Variants in MYH11 observed in about 807,000 individuals in gnomAD.
MYH11 encodes myosin heavy chain 11, also known as myosin-11.
Under a neutral mutation model 246.6 loss-of-function variants are expected in MYH11, and 80 were observed. That is an observed-to-expected ratio of 0.32 (90% confidence interval 0.27 to 0.39). The LOEUF is 0.39. MYH11 is among the 10% of genes least tolerant of loss of function. The probability of loss-of-function intolerance (pLI) is 1.00; values close to 1 mark genes in which losing one functional copy is unlikely to be tolerated. For missense variants in MYH11, 2,158 were observed against 2,546.8 expected, an observed-to-expected ratio of 0.85 and a Z score of 3.29; for synonymous variants, 1,071 against 1,015.5, an observed-to-expected ratio of 1.05 and a Z score of -1.04.
intron 8 of MYH11, among the ~76,000 whole-genome samples, chr16:15,774,884 C>T (rs902848101): frequency 3.3e-5 from 5 of 152,182 alleles, no homozygotes; most frequent in African/African-American, 9.7e-5. Context: ...CACTTTGCCC[C>T]ACCCTGGAAA....
Position 15,703,323 on chromosome 16 carries a change from G to A in MYH11, c.*668C>T, listed in dbSNP as rs949586919. ...GGAGAGGGGGAAAGAATTCTCAAAG[G>A]CCTGACGTGAGAAGTTGGAAAGGTT... On this transcript the variant is annotated 3_prime_UTR_variant, in exon 41 of 41. Transcript: ENST00000300036. 7 of 230,906 alleles carry A rather than the reference G, an allele frequency of 3.0e-5. No homozygotes were observed. The highest frequency in any genetic ancestry group is 5.2e-5 in the Non-Finnish European group (6 of 116,034). 14.3% of individuals were successfully genotyped at this position (230,906 alleles called of 1,614,324 possible). A position where few individuals can be genotyped will look rare whatever the true frequency, so the allele number is the denominator to read the frequency against.
At chr16:15,850,150 C>T (rs548984038) in intron 1 of MYH11, among the ~76,000 whole-genome samples, 4 of 152,260 alleles carry the variant, frequency 2.6e-5, no homozygotes, top group Admixed American at 6.5e-5. Context: ...TTCGGGAGGC[C>T]GAGGCAGGCG....
At chr16:15,726,388 GAGAC>G (rs2040761444) in intron 28 of MYH11, 1 of 143,514 alleles carries the variant, frequency 7.0e-6, no homozygotes, top group Non-Finnish European at 1.5e-5. Context: ...TTTTTTTCCT[GAGAC>G]AGAGTTTTGC....
intron 6 of MYH11, chr16:15,779,535 G>C (rs1403787682): frequency 6.4e-6 from 1 of 156,294 alleles, no homozygotes; most frequent in Non-Finnish European, 1.4e-5. Flanking sequence ...AGGGCCCTAA[G>C]CAGAAAGAAG....
chr16:15,757,220 A>T (rs2041748118), intron 13 of MYH11, among the ~76,000 whole-genome samples: 1 of 148,836 alleles, frequency 6.7e-6, no homozygotes, highest in African/African-American at 2.5e-5. Context: ...GCAGTGGCGC[A>T]ATCTCGGCTT....
chr16:15,727,803 A>G (rs2040840318), intron 27 of MYH11, among the ~76,000 whole-genome samples: 1 of 151,762 alleles, frequency 6.6e-6, no homozygotes, highest in Non-Finnish European at 1.5e-5. Context: ...TGAGACCCCC[A>G]TCTCTACTAA....
intron 1 of MYH11, among the ~76,000 whole-genome samples, chr16:15,843,597 G>A (rs970150467): frequency 4.0e-5 from 6 of 151,794 alleles, no homozygotes; most frequent in African/African-American, 1.5e-4. Flanking sequence ...GGAGGCTGAG[G>A]CAGGAGAATG....
chr16:15,735,997 T>C (rs2151241899), intron 25 of MYH11, among the ~76,000 whole-genome samples: 1 of 152,336 alleles, frequency 6.6e-6, no homozygotes, highest in Non-Finnish European at 1.5e-5. Flanking sequence ...ATGCACAGCA[T>C]TTGGCCAGCC....
intron 40 of MYH11, among the ~76,000 whole-genome samples, chr16:15,705,401 T>C (rs946674465): frequency 1.3e-5 from 2 of 152,118 alleles, no homozygotes; most frequent in Admixed American, 6.6e-5. Context: ...GAAGGGCTGG[T>C]CACGTGAGGG....
In MYH11 at chr16:15,750,100, G is replaced by A. The variant is rs2041524803; in HGVS notation, c.2058+38C>T. ...GCTGTGACCGCTTGGGACAGCCCTG[G>A]CTTCTGGGAGCCCCAGGGTCTGGGC... is the stretch of plus-strand genomic sequence containing the variant. On this transcript the variant is annotated intron_variant, in intron 16 of 40. Transcript: ENST00000300036. This position sits in a 1 kb window ranked among gnomAD's most constrained non-coding sequence, Gnocchi z 4.3. The A allele has an allele frequency of 6.2e-7, 1 of 1,613,030 alleles. No homozygotes were observed. The highest frequency in any genetic ancestry group is 8.5e-7 in the Non-Finnish European group (1 of 1,179,484).
chr16:15,837,353 G>A, intron 2 of MYH11, among the ~76,000 whole-genome samples: 1 of 152,168 alleles, frequency 6.6e-6, no homozygotes, highest in East Asian at 1.9e-4. Flanking sequence ...CTTGGCACAT[G>A]TGATGACATG....
intron 14 of MYH11, among the ~76,000 whole-genome samples, chr16:15,755,336 G>A (rs1421102181): frequency 6.6e-6 from 1 of 152,220 alleles, no homozygotes; most frequent in Non-Finnish European, 1.5e-5. Context: ...AACTATCATA[G>A]ATTTCCCTGG....
chr16:15,716,524 GTGTGTGTGTA>G (rs60407138), intron 38 of MYH11, among the ~76,000 whole-genome samples: 1,543 of 151,206 alleles, frequency 0.01, 33 homozygotes, highest in African/African-American at 0.034. Flanking sequence ...GGTTTTTTTT[GTGTGTGTGTA>G]TGTGTGTGGA....
At position 15,756,375 on chromosome 16, in the gene MYH11, T is replaced by C. The variant is rs794728678; in HGVS notation, c.1715A>G (p.Lys572Arg). ...ATAATGGATGATGGAGAACTCAGTC[T>C]TGTCCTTGAGCTGCTTGGGCTTCTG... is the stretch of plus-strand genomic sequence containing the variant. The part of the protein sequence containing the change: ...KFQKPKQLKD[K>R]TEFSIIHYAG... The change falls in exon 14 of 41, where the codon AAG becomes AGG. Residue 572 changes from lysine (K) to arginine (R), a missense_variant. Coordinates refer to ENST00000300036, the MANE Select transcript of MYH11 (RefSeq NM_002474.3). 10 of 1,614,184 alleles carry C rather than the reference T, an allele frequency of 6.2e-6. No homozygotes were observed. The East Asian group carries it at 2.0e-4, about 32-fold the overall frequency.
chr16:15,732,798 C>G (rs540633250), intron 26 of MYH11, 90 bp from the exon 27 acceptor site: 2 of 1,502,860 alleles, frequency 1.3e-6, no homozygotes, highest in African/African-American at 1.4e-5. Flanking sequence ...CTTCCAGGAC[C>G]CAGAGCTGCA....
In MYH11 at chr16:15,813,731, G is replaced by C. The variant is rs181902866; in HGVS notation, c.502+9524C>G. Among the ~76,000 whole-genome samples, 58 of 151,932 alleles carry C rather than the reference G, an allele frequency of 3.8e-4. 1 individual carries two copies. Among genetic ancestry groups the C allele is most frequent in the Non-Finnish European group, 6.8e-4 (46 of 67,956 alleles). On this transcript the variant is annotated intron_variant, in intron 3 of 40. Transcript: ENST00000300036. ...AGTTTAGCCGGGCATGGTGGCTCAT[G>C]CCTGGAATCCCAGCTCTTAGGAAGG...
intron 3 of MYH11, 21 bp from the exon 4 acceptor site, chr16:15,798,708 AAAG>A (rs745496836): frequency 6.2e-7 from 1 of 1,612,614 alleles, no homozygotes; most frequent in African/African-American, 1.3e-5. Flanking sequence ...AAAGAAGAAA[AAAG>A]AGCCATGAAT....
At chr16:15,743,604 C>T (rs2041336419) in intron 20 of MYH11, among the ~76,000 whole-genome samples, 1 of 152,224 alleles carries the variant, frequency 6.6e-6, no homozygotes, top group African/African-American at 2.4e-5. Context: ...CACAAGGAAG[C>T]CCCTGCTATG....
At chr16:15,855,378 G>A (rs537802452) in intron 1 of MYH11, among the ~76,000 whole-genome samples, 1 of 152,270 alleles carries the variant, frequency 6.6e-6, no homozygotes, top group Non-Finnish European at 1.5e-5. Context: ...TTACTTTGTT[G>A]GAAGCATTTA....
Sources: gnomAD v4.1 joint callset for allele counts (sites outside exome capture counted in the v4.1 genomes callset) on GRCh38, gnomAD v4.1.1 for gene constraint, Gnocchi (gnomAD v3.1) non-coding constraint, MANE v1.5 for transcripts, NCBI Gene and HGNC (gene_info 2026-07-23, HGNC 2026-07-21) for gene names.